VPS13B: variants seen among roughly 807,000 people sequenced by gnomAD.
VPS13B encodes vacuolar protein sorting 13 homolog B, also known as intermembrane lipid transfer protein VPS13B.
In VPS13B, 285 loss-of-function variants were observed where a neutral mutation model predicts 426.4. That is an observed-to-expected ratio of 0.67 (90% confidence interval 0.61 to 0.74). The LOEUF (loss-of-function observed/expected upper bound fraction) is 0.74. Among genes scored for constraint, VPS13B ranks in the 30% least tolerant of loss-of-function variants. The probability of loss-of-function intolerance (pLI) is 0.00; values close to 1 mark genes in which losing one functional copy is unlikely to be tolerated. For synonymous variants in VPS13B, 1,676 were observed against 1,676.4 expected, an observed-to-expected ratio of 1.00 and a Z score of 0.01; for missense variants, 4,537 against 4,782.6, an observed-to-expected ratio of 0.95 and a Z score of 1.51.
intron 19 of VPS13B, among the ~76,000 whole-genome samples, chr8:99,310,241 G>A (rs1563660332): frequency 6.6e-6 from 1 of 152,142 alleles, no homozygotes. Context: ...TGGTGAGAGA[G>A]GGCATCCCTG....
At chr8:99,274,427 A>G (rs1268960998) in intron 18 of VPS13B, 95 bp downstream of exon 18, 1 of 1,577,478 alleles carries the variant, frequency 6.3e-7, no homozygotes, top group Non-Finnish European at 8.7e-7. Context: ...GAATTTACTC[A>G]CTGTTGCTAT....
chr8:99,553,543 T>G (rs1253102775), intron 30 of VPS13B, among the ~76,000 whole-genome samples: 2 of 152,112 alleles, frequency 1.3e-5, no homozygotes, highest in Non-Finnish European at 2.9e-5. Context: ...TACAAGGTAC[T>G]TTATGAATAG....
At chr8:99,752,218 A>T (rs1260799438) in intron 39 of VPS13B, among the ~76,000 whole-genome samples, 2 of 152,136 alleles carry the variant, frequency 1.3e-5, no homozygotes, top group African/African-American at 4.8e-5. Context: ...AAAAGAAAAG[A>T]TAGTCTGGGG....
chr8:99,470,435 T>C (rs949147181), intron 24 of VPS13B, among the ~76,000 whole-genome samples: 2 of 151,872 alleles, frequency 1.3e-5, no homozygotes, highest in African/African-American at 4.8e-5. Context: ...TAAATCTCAA[T>C]TGAGGAATAA....
chr8:99,289,125 T>A (rs1819595134), intron 19 of VPS13B, among the ~76,000 whole-genome samples: 1 of 151,878 alleles, frequency 6.6e-6, no homozygotes, highest in African/African-American at 2.4e-5. Flanking sequence ...GAAATCAGGG[T>A]CAACTCATGA....
chr8:99,364,741 T>A (rs528056927), intron 19 of VPS13B, among the ~76,000 whole-genome samples: 11 of 152,176 alleles, frequency 7.2e-5, no homozygotes, highest in African/African-American at 2.7e-4. Flanking sequence ...TGTAGTTTTC[T>A]TTTTTTGATG....
intron 30 of VPS13B, among the ~76,000 whole-genome samples, chr8:99,552,320 G>A (rs1423932785): frequency 6.6e-6 from 1 of 151,958 alleles, no homozygotes; most frequent in Admixed American, 6.6e-5. Flanking sequence ...TTTTGTCTGT[G>A]AGTGTCTCAT....
Position 99,875,952 on chromosome 8 carries a change from A to ACTT in VPS13B, c.*288_*290dup, listed in dbSNP as rs770000628. 31 of 445,448 alleles carry ACTT rather than the reference A, an allele frequency of 7.0e-5. No homozygotes were observed. Among genetic ancestry groups the ACTT allele is most frequent in the East Asian group, 1.8e-4 (4 of 22,790 alleles). 27.6% of individuals were successfully genotyped at this position (445,448 alleles called of 1,614,324 possible). A position where few individuals can be genotyped will look rare whatever the true frequency, so the allele number is the denominator to read the frequency against. ...ATTTACATCCTTACCTCTAAAAGATACTTCAAAGTGACAAAAACGTGTTCC... is the reference window on the plus strand; with the variant it reads ...ATTTACATCCTTACCTCTAAAAGATACTTCTTCAAAGTGACAAAAACGTGTTCC... On this transcript the variant is annotated 3_prime_UTR_variant, in exon 62 of 62. Transcript: ENST00000357162.
intron 17 of VPS13B, among the ~76,000 whole-genome samples, chr8:99,220,050 A>T (rs1563610563): frequency 6.6e-6 from 1 of 152,184 alleles, no homozygotes; most frequent in Non-Finnish European, 1.5e-5. Flanking sequence ...ACCAGAGAAA[A>T]ATGAGGCTTG....
chr8:99,326,822 C>T (rs1013089762), intron 19 of VPS13B, among the ~76,000 whole-genome samples: 6 of 152,038 alleles, frequency 3.9e-5, no homozygotes, highest in African/African-American at 1.4e-4. Flanking sequence ...AAATAAATGG[C>T]CTCTTACTAC....
intron 39 of VPS13B, among the ~76,000 whole-genome samples, chr8:99,763,735 G>T (rs1220626756): frequency 6.6e-6 from 1 of 152,144 alleles, no homozygotes; most frequent in South Asian, 2.1e-4. Flanking sequence ...AGAAGTTAGA[G>T]AAAATTATGT....
chr8:99,671,680 C>T (rs145996614), intron 35 of VPS13B, among the ~76,000 whole-genome samples: 194 of 152,092 alleles, frequency 1.3e-3, no homozygotes, highest in African/African-American at 4.3e-3. Flanking sequence ...TTTTGAGTGA[C>T]GGAGTCTCAC....
chr8:99,474,349 T>C (rs955323962), intron 24 of VPS13B, among the ~76,000 whole-genome samples: 3 of 151,798 alleles, frequency 2.0e-5, no homozygotes, highest in African/African-American at 4.8e-5. Context: ...CCACCACACC[T>C]GGCTAATTTT....
intron 21 of VPS13B, among the ~76,000 whole-genome samples, chr8:99,428,939 A>C (rs990503845): frequency 1.3e-5 from 2 of 152,338 alleles, no homozygotes; most frequent in Admixed American, 1.3e-4. Flanking sequence ...ACCATGGAAT[A>C]CTATGCAGCC....
chr8:99,181,631 C>T (rs763490705), intron 16 of VPS13B, among the ~76,000 whole-genome samples: 1 of 152,132 alleles, frequency 6.6e-6, no homozygotes, highest in Non-Finnish European at 1.5e-5. Flanking sequence ...GTTCTTTATG[C>T]AAGTTAGCTG....
intron 19 of VPS13B, among the ~76,000 whole-genome samples, chr8:99,381,488 T>G (rs1434792943): frequency 6.6e-6 from 1 of 152,212 alleles, no homozygotes; most frequent in Non-Finnish European, 1.5e-5. Flanking sequence ...CACACTGTTT[T>G]CCACAATGGT....
intron 21 of VPS13B, among the ~76,000 whole-genome samples, chr8:99,418,505 TTC>T (rs1816180953): frequency 6.8e-6 from 1 of 148,098 alleles, no homozygotes; most frequent in Non-Finnish European, 1.5e-5. Context: ...CTTTCTTTCT[TTC>T]TTTCTTTCCT....
At chr8:99,448,048 A>G (rs1048887779) in intron 23 of VPS13B, among the ~76,000 whole-genome samples, 2 of 151,692 alleles carry the variant, frequency 1.3e-5, no homozygotes, top group Non-Finnish European at 2.9e-5. Flanking sequence ...AAGTACATCA[A>G]GAATGACTTA....
intron 35 of VPS13B, among the ~76,000 whole-genome samples, chr8:99,692,730 C>G (rs1383195252): frequency 6.8e-6 from 1 of 146,200 alleles, no homozygotes; most frequent in African/African-American, 2.6e-5. Flanking sequence ...ACAAAAAAAC[C>G]CTTCAAAAAA....
Sources: allele counts gnomAD v4.1 joint callset (sites outside exome capture counted in the v4.1 genomes callset), GRCh38; gene constraint gnomAD v4.1.1; transcripts MANE v1.5; gene names NCBI Gene and HGNC (gene_info 2026-07-23, HGNC 2026-07-21).